PCID2: variants seen among roughly 807,000 people sequenced by gnomAD.
PCID2 encodes PCI domain containing 2, also known as PCI domain-containing protein 2.
A neutral mutation model predicts 61.3 loss-of-function variants in PCID2; 41 were observed. The ratio of observed to expected loss-of-function variants is 0.67; its 90% CI spans 0.52 to 0.87. The LOEUF is 0.87. Ranked by LOEUF, PCID2 falls within the 40% of genes least tolerant of loss-of-function variation. The pLI, the probability that PCID2 is intolerant of heterozygous loss-of-function variation, is 0.00. For synonymous variants in PCID2, 187 were observed against 177.8 expected, an observed-to-expected ratio of 1.05 and a Z score of -0.41; for missense variants, 392 against 493.4, an observed-to-expected ratio of 0.79 and a Z score of 1.95.
chr13:113,187,859 C>A (rs1377499011), intron 7 of PCID2: 5 of 151,972 alleles, frequency 3.3e-5, no homozygotes, highest in Non-Finnish European at 7.4e-5. Context: ...TTAATTTTTT[C>A]CTTTGGTTGC....
chr13:113,175,172 A>G (rs1026730882), downstream of PCID2, among the ~76,000 whole-genome samples: 1 of 152,154 alleles, frequency 6.6e-6, no homozygotes, highest in African/African-American at 2.4e-5. Flanking sequence ...TCCTTTACAT[A>G]TTACCCAGTC....
At chr13:113,187,262 T>C (rs1261814561) in intron 7 of PCID2, 1 of 152,226 alleles carries the variant, frequency 6.6e-6, no homozygotes, top group Non-Finnish European at 1.5e-5. Flanking sequence ...TGACCTCTAT[T>C]GGAGACTGTG....
downstream of PCID2, among the ~76,000 whole-genome samples, chr13:113,173,950 C>T (rs1161310750): frequency 6.6e-6 from 1 of 152,028 alleles, no homozygotes; most frequent in African/African-American, 2.4e-5. Flanking sequence ...TATTCCAGTC[C>T]AGGCGCAGTA....
chr13:113,193,646 T>C (rs2038785031), intron 6 of PCID2, among the ~76,000 whole-genome samples: 3 of 152,242 alleles, frequency 2.0e-5, no homozygotes, highest in Admixed American at 2.0e-4. Flanking sequence ...TCTTTTCTAA[T>C]TAAAATTTCT....
downstream of PCID2, among the ~76,000 whole-genome samples, chr13:113,172,920 G>C (rs980167826): frequency 6.6e-6 from 1 of 152,196 alleles, no homozygotes; most frequent in Non-Finnish European, 1.5e-5. Context: ...CACTGTTGTG[G>C]CTGGAGTGTG....
In PCID2 at chr13:113,190,652, A is replaced by AAATG. The variant is rs2038535147; in HGVS notation, c.467+219_467+220insCATT. The AAATG allele has an allele frequency of 1.8e-5, 7 of 383,348 alleles. No individual in the cohort carries two copies. In the East Asian group the frequency reaches 2.8e-4, roughly 15 times the overall value. 23.7% of individuals were successfully genotyped at this position (383,348 alleles called of 1,614,324 possible). A position where few individuals can be genotyped will look rare whatever the true frequency, so the allele number is the denominator to read the frequency against. The stretch of plus-strand genomic sequence containing the variant: ...GTTCCTGCAGAGAGGAGCTCCAGGC[A>AAATG]TGGTCAAATGTGGGCAAATGAAGAC... On this transcript the variant is annotated intron_variant, in intron 7 of 13. Transcript: ENST00000337344.
chr13:113,198,190 C>T lies in PCID2; in HGVS notation c.200+1G>A, dbSNP rs762742423. ...GTTTTTCTTCCTCCCCAACAGATTACCTTAAATGAGCTGCAAACATTTCAT... is the reference window on the plus strand; with the variant it reads ...GTTTTTCTTCCTCCCCAACAGATTATCTTAAATGAGCTGCAAACATTTCAT... On this transcript the variant is annotated splice_donor_variant, in intron 3 of 13. Transcript: ENST00000337344. LOFTEE classifies it high-confidence loss of function. The T allele has an allele frequency of 6.3e-7, 1 of 1,596,352 alleles. No homozygotes were observed. The highest frequency in any genetic ancestry group is 8.5e-7 in the Non-Finnish European group (1 of 1,170,286).
intron 9 of PCID2, 186 bp downstream of exon 9, chr13:113,184,160 G>T: frequency 2.3e-6 from 1 of 430,126 alleles, no homozygotes; most frequent in Non-Finnish European, 3.1e-6. Context: ...CAGAGACCCA[G>T]TATGGATTAA....
intron 3 of PCID2, among the ~76,000 whole-genome samples, chr13:113,197,634 T>C (rs1270003790): frequency 6.6e-6 from 1 of 152,322 alleles, no homozygotes; most frequent in Non-Finnish European, 1.5e-5. Context: ...AGGTGCTTTG[T>C]ACTACAAGGA....
At chr13:113,174,587 T>C (rs2037161127), downstream of PCID2, among the ~76,000 whole-genome samples, 1 of 152,184 alleles carries the variant, frequency 6.6e-6, no homozygotes, top group East Asian at 1.9e-4. Flanking sequence ...CTCAACTTCC[T>C]GGGCTCAATT....
At chr13:113,172,423 A>G in the PCID2 span, 2 of 386,066 alleles carry the variant, frequency 5.2e-6, no homozygotes, top group South Asian at 2.2e-5. Context: ...CTCCAAGTCC[A>G]GTGTTCCCTG....
the PCID2 span, among the ~76,000 whole-genome samples, chr13:113,170,068 GTT>G: frequency 6.6e-6 from 1 of 152,162 alleles, no homozygotes; most frequent in Non-Finnish European, 1.5e-5. Context: ...TGAGACCGTT[GTT>G]TCTTGGGGAT....
At chr13:113,177,196 G>A (rs140940729), downstream of PCID2, among the ~76,000 whole-genome samples, 1,549 of 152,252 alleles carry the variant, frequency 0.01, 22 homozygotes, top group African/African-American at 0.034. Flanking sequence ...GGAGTGCAAT[G>A]GCATGATCTC....
chr13:113,179,773 G>A lies in PCID2; in HGVS notation c.986+144C>T, dbSNP rs994379014. 39 of 795,778 alleles carry A rather than the reference G, an allele frequency of 4.9e-5. No homozygotes were observed. In the African/African-American group the frequency reaches 6.6e-4, roughly 13 times the overall value. The allele number at this position is 795,778 out of a possible 1,614,324, so 49.3% of individuals were successfully genotyped here. On this transcript the variant is annotated intron_variant, in intron 12 of 13. Transcript: ENST00000337344. This position sits in a 1 kb window ranked among gnomAD's most constrained non-coding sequence, Gnocchi z 4.3. ...GGTCCCCAGGAGGCAGTGGGCGGAGGCTTCATTTTATCCCACACAATGGAA... is the reference window on the plus strand; with the variant it reads ...GGTCCCCAGGAGGCAGTGGGCGGAGACTTCATTTTATCCCACACAATGGAA...
At chr13:113,198,483 C>T (rs953049421) in intron 2 of PCID2, among the ~76,000 whole-genome samples, 6 of 152,278 alleles carry the variant, frequency 3.9e-5, no homozygotes, top group African/African-American at 9.6e-5. Flanking sequence ...GGGCAGATCA[C>T]TTGAGGCTAG....
the PCID2 span, chr13:113,171,718 G>A: frequency 6.2e-7 from 1 of 1,612,970 alleles, no homozygotes; most frequent in Non-Finnish European, 8.5e-7. The surrounding 1 kb of genome is among the most constrained non-coding windows in gnomAD (Gnocchi z 5.1). Flanking sequence ...GGCCCATCCA[G>A]TGCCCAGGTG....
intron 1 of PCID2, among the ~76,000 whole-genome samples, chr13:113,204,032 G>C (rs1403628851): frequency 2.6e-5 from 4 of 152,214 alleles, no homozygotes; most frequent in Admixed American, 6.5e-5. Context: ...AGCGGTTCTG[G>C]AGCCTGCTGG....
In PCID2 at chr13:113,208,522, G is replaced by A. The variant is rs2040126512; in HGVS notation, c.36+77C>T. On this transcript the variant is annotated intron_variant, in intron 1 of 13. Coordinates refer to ENST00000337344, the MANE Select transcript of PCID2 (RefSeq NM_001127202.4). ...GAGGCGGGAAAGGAAAAGGCCTGAGGGTCCAAGGCAGGAGGGGACACACGG... is the reference window on the plus strand; with the variant it reads ...GAGGCGGGAAAGGAAAAGGCCTGAGAGTCCAAGGCAGGAGGGGACACACGG... The A allele has an allele frequency of 5.7e-5, 90 of 1,566,704 alleles. 3 individuals are homozygous for A. In the South Asian group the frequency reaches 9.3e-4, roughly 16 times the overall value.
chr13:113,175,873 C>A (rs1481068438), downstream of PCID2, among the ~76,000 whole-genome samples: 1 of 152,250 alleles, frequency 6.6e-6, no homozygotes, highest in Non-Finnish European at 1.5e-5. Flanking sequence ...TCTGCGCTCC[C>A]AGAATCCAGC....
Sources: allele counts gnomAD v4.1 joint callset (sites outside exome capture counted in the v4.1 genomes callset), GRCh38; gene constraint gnomAD v4.1.1; non-coding constraint Gnocchi (gnomAD v3.1); transcripts MANE v1.5; gene names NCBI Gene and HGNC (gene_info 2026-07-23, HGNC 2026-07-21).